Variants in PKP2 observed in about 807,000 individuals in gnomAD.
The protein encoded by PKP2 is plakophilin-2.
Under a neutral mutation model 83.4 loss-of-function variants are expected in PKP2, and 73 were observed. The ratio of observed to expected loss-of-function variants is 0.88; its 90% CI spans 0.72 to 1.06. PKP2 has a LOEUF of 1.06. Ranked by LOEUF, PKP2 falls within the 50% of genes least tolerant of loss-of-function variation. The pLI is 0.00. For missense variants in PKP2, 966 were observed against 1,065.4 expected (o/e 0.91, Z 1.30); for synonymous variants, 409 against 430.4 (o/e 0.95, Z 0.62).
intron 9 of PKP2, among the ~76,000 whole-genome samples, chr12:32,804,852 C>G (rs1351091724): frequency 3.9e-5 from 6 of 152,154 alleles, no homozygotes; most frequent in Non-Finnish European, 5.9e-5. Context: ...GTATTTCTGC[C>G]TCTAGATCTT....
chr12:32,867,630 A>AT (rs1239062390), intron 4 of PKP2, among the ~76,000 whole-genome samples: 1 of 152,230 alleles, frequency 6.6e-6, no homozygotes, highest in Non-Finnish European at 1.5e-5. Context: ...AAGATACGGT[A>AT]TAAAAAAATA....
intron 9 of PKP2, among the ~76,000 whole-genome samples, chr12:32,802,916 C>T (rs895414323): frequency 2.6e-5 from 4 of 151,862 alleles, no homozygotes; most frequent in African/African-American, 9.7e-5. Flanking sequence ...GCCTCAGCCT[C>T]CTAAAGTGTT....
intron 9 of PKP2, among the ~76,000 whole-genome samples, chr12:32,810,575 A>G (rs943836057): frequency 3.9e-5 from 6 of 152,204 alleles, no homozygotes; most frequent in Non-Finnish European, 8.8e-5. Context: ...GCTATTTAAG[A>G]AAAGTGTTTT....
chr12:32,830,047 G>C (rs1956484494), intron 6 of PKP2, among the ~76,000 whole-genome samples: 1 of 152,166 alleles, frequency 6.6e-6, no homozygotes, highest in Admixed American at 6.5e-5. Flanking sequence ...TCACCAACAA[G>C]TATAGACTTC....
In PKP2 at chr12:32,892,818, CGGGGG is replaced by C. The variant is rs574559982; in HGVS notation, c.223+3686_223+3690del. Reference sequence around the variant, plus strand: ...TCCACTCAGATACCTGGGGTGGGGGCGGGGGGGGGGGGAGAACTGTGTAGCAAGTA... The same window carrying C: ...TCCACTCAGATACCTGGGGTGGGGGCGGGGGGGAGAACTGTGTAGCAAGTA... On this transcript the variant is annotated intron_variant, in intron 1 of 12. Coordinates refer to ENST00000340811, the MANE Select transcript of PKP2 (RefSeq NM_001005242.3). Among the ~76,000 whole-genome samples, 6 of 20,108 alleles carry C rather than the reference CGGGGG, an allele frequency of 3.0e-4. 2 individuals carry two copies. In the Admixed American group the frequency reaches 3.5e-3, roughly 12 times the overall value. 13.2% of individuals were successfully genotyped at this position (20,108 alleles called of 152,430 possible). A position where few individuals can be genotyped will look rare whatever the true frequency, so the allele number is the denominator to read the frequency against.
intron 5 of PKP2, among the ~76,000 whole-genome samples, chr12:32,848,310 G>T (rs113741536): frequency 0.16 from 25,015 of 152,104 alleles, 2,299 homozygotes; most frequent in Middle Eastern, 0.23. Context: ...TGTAATCCCA[G>T]CTACTTGGGA....
rs879068263 is a variant in PKP2, at chr12:32,841,092, C to T, written c.1492G>A (p.Asp498Asn). The change falls in exon 6 of 13, where the codon GAC (aspartate) becomes AAC (asparagine). Residue 498 changes from aspartate to asparagine, a missense_variant. Transcript: ENST00000340811. Reference protein sequence around the residue: ...IIPFSGWPEGDYPKANGLLDF... With the variant: ...IIPFSGWPEGNYPKANGLLDF... ...AGCAAACCATTTGCTTTTGGGTAGT[C>T]TCCTTCAGGCCACCCAGAAAAGGGG... The T allele has an allele frequency of 6.2e-7, 1 of 1,613,782 alleles. No homozygotes were observed. The highest frequency in any genetic ancestry group is 8.5e-7 in the Non-Finnish European group (1 of 1,179,886).
intron 6 of PKP2, among the ~76,000 whole-genome samples, chr12:32,826,079 C>T (rs984294786): frequency 2.0e-5 from 3 of 151,822 alleles, no homozygotes; most frequent in African/African-American, 4.8e-5. Flanking sequence ...CCGAGGCAGG[C>T]GGATCATGAG....
chr12:32,873,114 C>T (rs946626628), intron 3 of PKP2, among the ~76,000 whole-genome samples: 71 of 152,178 alleles, frequency 4.7e-4, no homozygotes, highest in African/African-American at 1.5e-3. Context: ...GTTTGTTTTG[C>T]TTTGAGACAG....
At chr12:32,795,582 T>C (rs1374349619) in intron 11 of PKP2, among the ~76,000 whole-genome samples, 1 of 152,128 alleles carries the variant, frequency 6.6e-6, no homozygotes, top group African/African-American at 2.4e-5. Context: ...GGTTTTGCCA[T>C]GTCGGCCAGG....
At chr12:32,818,291 T>A (rs1956338853) in intron 9 of PKP2, among the ~76,000 whole-genome samples, 1 of 152,112 alleles carries the variant, frequency 6.6e-6, no homozygotes, top group African/African-American at 2.4e-5. Context: ...GTGAAACCCG[T>A]CTCTACTATA....
At position 32,797,883 on chromosome 12, in the gene PKP2, A is replaced by G. The variant is rs535337448; in HGVS notation, c.2168-1585T>C. 5.1e-4 allele frequency among the ~76,000 whole-genome samples: 78 copies of G among 151,828 alleles called. 1 individual carries two copies. Among genetic ancestry groups the G allele is most frequent in the Admixed American group, 1.4e-3 (21 of 15,264 alleles). ...GCTAAAATCATTTTTAAGGCCAGGC[A>G]AGGTAGCTCATGTCTGTAATCCCAG... On this transcript the variant is annotated intron_variant, in intron 10 of 12. Transcript: ENST00000340811.
At chr12:32,864,069 A>G (rs1956824787) in intron 4 of PKP2, among the ~76,000 whole-genome samples, 1 of 151,848 alleles carries the variant, frequency 6.6e-6, no homozygotes, top group Non-Finnish European at 1.5e-5. Flanking sequence ...ATAAATGCAT[A>G]AAAAGCATCT....
intron 9 of PKP2, among the ~76,000 whole-genome samples, chr12:32,804,810 T>G (rs149313821): frequency 6.6e-6 from 1 of 152,128 alleles, no homozygotes; most frequent in Non-Finnish European, 1.5e-5. Context: ...CCTTTGGGTA[T>G]ATACCCAATA....
In PKP2 at chr12:32,890,734, G is replaced by A. The variant is rs562128343; in HGVS notation, c.223+5775C>T. Among the ~76,000 whole-genome samples, 491 of 152,142 alleles carry A rather than the reference G, an allele frequency of 3.2e-3. 2 individuals are homozygous for A. Among genetic ancestry groups the A allele is most frequent in the African/African-American group, 0.011 (455 of 41,522 alleles). Reference sequence around the variant, plus strand: ...AGCACTTTGGGAGGCAGAGGTGGGCGGATCACCTGAGGTCAGGAGTTCGAG... The same window carrying A: ...AGCACTTTGGGAGGCAGAGGTGGGCAGATCACCTGAGGTCAGGAGTTCGAG... On this transcript the variant is annotated intron_variant, in intron 1 of 12. Transcript: ENST00000340811.
intron 4 of PKP2, 113 bp downstream of exon 4, chr12:32,868,814 G>T (rs1419854871): frequency 1.7e-6 from 2 of 1,193,606 alleles, no homozygotes; most frequent in Non-Finnish European, 2.5e-6. Flanking sequence ...GAACCACCAC[G>T]CACGGTCCCA....
intron 10 of PKP2, 32 bp downstream of exon 10, chr12:32,802,371 C>T (rs780713699): frequency 8.8e-6 from 14 of 1,597,578 alleles, no homozygotes; most frequent in Non-Finnish European, 1.2e-5. Context: ...TCAGCATGTA[C>T]ATATTACACA....
At chr12:32,818,659 T>C (rs557587120) in intron 9 of PKP2, among the ~76,000 whole-genome samples, 1 of 152,356 alleles carries the variant, frequency 6.6e-6, no homozygotes, top group African/African-American at 2.4e-5. Flanking sequence ...TTTTACTAAC[T>C]AGAAATTCTG....
chr12:32,850,660 G>A, intron 5 of PKP2, 106 bp downstream of exon 5: 2 of 836,198 alleles, frequency 2.4e-6, no homozygotes, highest in South Asian at 1.4e-5. Context: ...GCATAACAAT[G>A]AGCCCATCAA....
Sources: gnomAD v4.1 joint callset for allele counts (sites outside exome capture counted in the v4.1 genomes callset) on GRCh38, gnomAD v4.1.1 for gene constraint, MANE v1.5 for transcripts, NCBI Gene and HGNC (gene_info 2026-07-23, HGNC 2026-07-21) for gene names.